The following GCSH variants were observed in gnomAD, a reference collection of about 807,000 sequenced individuals.
GCSH encodes the protein glycine cleavage system protein H, also known as glycine cleavage system H protein, mitochondrial.
In GCSH, 15 loss-of-function variants were observed where a neutral mutation model predicts 21.3. That is an observed-to-expected ratio of 0.70 (90% confidence interval 0.47 to 1.08). The LOEUF is 1.08. Ranked by LOEUF, GCSH falls within the 50% of genes least tolerant of loss-of-function variation. The pLI, the probability that GCSH is intolerant of heterozygous loss-of-function variation, is 0.00. For synonymous variants in GCSH, 59 were observed against 84.5 expected (o/e 0.70, Z 1.66); for missense variants, 179 against 217.5 (o/e 0.82, Z 1.11).
chr16:81,092,497 T>C (rs899748257), intron 1 of GCSH, among the ~76,000 whole-genome samples: 1 of 152,060 alleles, frequency 6.6e-6, no homozygotes, highest in South Asian at 2.1e-4. Flanking sequence ...TCCCAGCACT[T>C]TGGGAGGCCG....
chr16:81,096,314 C>G lies in GCSH; in HGVS notation c.-36G>C, dbSNP rs529892469. On this transcript the variant is annotated 5_prime_UTR_variant, in exon 1 of 5. Transcript: ENST00000315467. ...GTGCGGGGGTCGCAGCGCTACGCCT[C>G]GGCCACCCGCGCCGGGAGGCGGGGC... 2.3e-5 allele frequency: 31 copies of G among 1,346,190 alleles called. No homozygotes were observed. Among genetic ancestry groups the G allele is most frequent in the East Asian group, 3.1e-5 (1 of 31,746 alleles). The allele number at this position is 1,346,190 out of a possible 1,614,324, so 83.4% of individuals were successfully genotyped here. A position where few individuals can be genotyped will look rare whatever the true frequency, so the allele number is the denominator to read the frequency against.
chr16:81,090,751 G>A, intron 1 of GCSH, 71 bp from the exon 2 acceptor site: 1 of 1,049,746 alleles, frequency 9.5e-7, no homozygotes, highest in South Asian at 1.3e-5. Flanking sequence ...CATTACCATT[G>A]CTTTCAAAAG....
intron 3 of GCSH, among the ~76,000 whole-genome samples, chr16:81,085,201 G>C (rs925315213): frequency 2.0e-5 from 3 of 151,618 alleles, no homozygotes; most frequent in African/African-American, 7.3e-5. Flanking sequence ...TTTTAGTAGA[G>C]ACAGCGTTTC....
chr16:81,092,656 T>C (rs1972420255), intron 1 of GCSH, among the ~76,000 whole-genome samples: 1 of 151,662 alleles, frequency 6.6e-6, no homozygotes, highest in African/African-American at 2.4e-5. Context: ...GGCATGAGAA[T>C]TGCTTGAACC....
At position 81,096,114 on chromosome 16, in the gene GCSH, G is replaced by C. The variant is rs976857980; in HGVS notation, c.148+17C>G. 1 of 1,245,550 alleles carries C rather than the reference G, an allele frequency of 8.0e-7. No individual in the cohort carries two copies. Among genetic ancestry groups the C allele is most frequent in the Non-Finnish European group, 1.0e-6 (1 of 994,852 alleles). 77.2% of individuals were successfully genotyped at this position (1,245,550 alleles called of 1,614,324 possible). ...AGGCGGGGAGGGAGCAGCCGCCCAC[G>C]TGCCCGCCGCGCTTACCCGAGAGCA... On this transcript the variant is annotated intron_variant, in intron 1 of 4. Transcript: ENST00000315467.
At chr16:81,084,381 A>C in intron 4 of GCSH, 82 bp downstream of exon 4, 1 of 1,062,190 alleles carries the variant, frequency 9.4e-7, no homozygotes, top group South Asian at 1.3e-5. Context: ...ATGAAGTCAC[A>C]ATCAGCTAAA....
At chr16:81,084,177 C>T in intron 4 of GCSH, 1 of 536,172 alleles carries the variant, frequency 1.9e-6, no homozygotes, top group Non-Finnish European at 3.3e-6. Context: ...CAGAGTTTCA[C>T]CATGTTGCCC....
chr16:81,084,929 A>ATGG (rs1972241939), intron 3 of GCSH, among the ~76,000 whole-genome samples: 1 of 147,900 alleles, frequency 6.8e-6, no homozygotes, highest in Non-Finnish European at 1.5e-5. Flanking sequence ...GTTAGCTAGG[A>ATGG]TGGTCTCAAT....
intron 1 of GCSH, among the ~76,000 whole-genome samples, chr16:81,091,442 C>T (rs141912019): frequency 5.3e-5 from 8 of 152,236 alleles, no homozygotes; most frequent in Non-Finnish European, 8.8e-5. Flanking sequence ...TCTAAAGATA[C>T]GGTCAAACGA....
intron 3 of GCSH, among the ~76,000 whole-genome samples, chr16:81,086,855 T>C (rs1364819040): frequency 7.4e-6 from 1 of 134,268 alleles, no homozygotes; most frequent in African/African-American, 2.6e-5. Context: ...ACCTATGGTG[T>C]AGAAACGAGA....
chr16:81,090,114 G>A (rs1972367989), intron 2 of GCSH, among the ~76,000 whole-genome samples: 1 of 148,188 alleles, frequency 6.7e-6, no homozygotes, highest in Admixed American at 6.7e-5. Flanking sequence ...TTTTGGAGAT[G>A]GAGTCTCACT....
intron 2 of GCSH, 107 bp from the exon 3 acceptor site, chr16:81,087,771 A>G (rs139843554): frequency 7.7e-5 from 61 of 791,186 alleles, no homozygotes; most frequent in African/African-American, 6.4e-4. Flanking sequence ...GATTTAGTAT[A>G]TATTTTATAC....
chr16:81,087,804 T>C, intron 2 of GCSH, 140 bp from the exon 3 acceptor site: 1 of 702,802 alleles, frequency 1.4e-6, no homozygotes, highest in South Asian at 1.6e-5. Flanking sequence ...ATTCTTGAGT[T>C]TTCCTTAAAA....
intron 1 of GCSH, among the ~76,000 whole-genome samples, chr16:81,092,036 T>C (rs963851126): frequency 3.9e-5 from 6 of 152,200 alleles, no homozygotes; most frequent in African/African-American, 1.4e-4. Flanking sequence ...TTTTGCTTCA[T>C]TCCACTTCAA....
chr16:81,082,081 C>T lies in GCSH; in HGVS notation c.*785G>A, dbSNP rs1005700078. 16 of 454,010 alleles carry T rather than the reference C, an allele frequency of 3.5e-5. No homozygotes were observed. The highest frequency in any genetic ancestry group is 3.0e-4 in the African/African-American group (15 of 50,000). 28.1% of individuals were successfully genotyped at this position (454,010 alleles called of 1,614,324 possible). A position where few individuals can be genotyped will look rare whatever the true frequency, so the allele number is the denominator to read the frequency against. ...TCCACCTTCCTCTGTCTTTCCTCTT[C>T]TTTCTTCAGACCTCGCATGATAGAA... On this transcript the variant is annotated 3_prime_UTR_variant, in exon 5 of 5. Transcript: ENST00000315467.
chr16:81,094,249 A>G (rs540444477), intron 1 of GCSH, among the ~76,000 whole-genome samples: 1 of 152,312 alleles, frequency 6.6e-6, no homozygotes, highest in Admixed American at 6.5e-5. Flanking sequence ...TTGGCCTCGG[A>G]AAATTAGGAG....
At chr16:81,085,039 G>A (rs1251921137) in intron 3 of GCSH, among the ~76,000 whole-genome samples, 4 of 102,322 alleles carry the variant, frequency 3.9e-5, no homozygotes, top group Non-Finnish European at 5.5e-5. Flanking sequence ...TTTTTGAGAC[G>A]GAGTCTCGCT....
chr16:81,089,152 A>G (rs1464415618), intron 2 of GCSH, among the ~76,000 whole-genome samples: 1 of 152,220 alleles, frequency 6.6e-6, no homozygotes, highest in Admixed American at 6.5e-5. Context: ...TCAACAACAG[A>G]CCACATATAT....
intron 4 of GCSH, chr16:81,083,853 AAT>A (rs1240630039): frequency 6.6e-6 from 1 of 151,536 alleles, no homozygotes; most frequent in Non-Finnish European, 1.5e-5. Context: ...CATGTCACAC[AAT>A]ATGAGTGGCT....
Sources: allele counts gnomAD v4.1 joint callset (sites outside exome capture counted in the v4.1 genomes callset), GRCh38; gene constraint gnomAD v4.1.1; transcripts MANE v1.5; gene names NCBI Gene and HGNC (gene_info 2026-07-23, HGNC 2026-07-21).